Variants in ZC3H8 observed in about 807,000 individuals in gnomAD.
ZC3H8 encodes zinc finger CCCH-type containing 8, also known as zinc finger CCCH domain-containing protein 8.
In ZC3H8, 27 loss-of-function variants were observed where a neutral mutation model predicts 42.5. The ratio of observed to expected loss-of-function variants is 0.64; its 90% CI spans 0.47 to 0.88. The LOEUF is 0.88. Ranked by LOEUF, ZC3H8 falls within the 40% of genes least tolerant of loss-of-function variation. ZC3H8 has a pLI of 0.00. For synonymous variants in ZC3H8, 101 were observed against 110.1 expected (o/e 0.92, Z 0.52); for missense variants, 277 against 336.1 (o/e 0.82, Z 1.37).
chr2:112,245,041 C>T (rs1161992768), intron 2 of ZC3H8, among the ~76,000 whole-genome samples: 2 of 152,224 alleles, frequency 1.3e-5, no homozygotes, highest in African/African-American at 4.8e-5. Context: ...GAAAGCTAGG[C>T]CTCGTAAGCC....
Position 112,212,965 on chromosome 2 carries a change from C to CCTTTTTTTTTTTTTTTTTTTTTTT in ZC3H8, c.*3518_*3519insAAAAAAAAAAAAAAAAAAAAAAAG, listed in dbSNP as rs1684187835. On this transcript the variant is annotated 3_prime_UTR_variant, in exon 9 of 9. Transcript: ENST00000409573. Reference sequence around the variant, plus strand: ...CAGCAAGCACAACTCAGAAGAAATGCTTTTTTTTTTTTTTTTTTTTTTTAT... The same window carrying CCTTTTTTTTTTTTTTTTTTTTTTT: ...CAGCAAGCACAACTCAGAAGAAATGCCTTTTTTTTTTTTTTTTTTTTTTTTTTTTTTTTTTTTTTTTTTTTTTAT... The CCTTTTTTTTTTTTTTTTTTTTTTT allele has an allele frequency of 1.2e-5, 1 of 84,918 alleles. No individual in the cohort carries two copies. The highest frequency in any genetic ancestry group is 2.3e-5 in the Non-Finnish European group (1 of 43,280). The allele number at this position is 84,918 out of a possible 1,614,324, so 5.3% of individuals were successfully genotyped here. A position where few individuals can be genotyped will look rare whatever the true frequency, so the allele number is the denominator to read the frequency against.
chr2:112,252,647 C>G (rs2104672761), intron 1 of ZC3H8, among the ~76,000 whole-genome samples: 1 of 152,258 alleles, frequency 6.6e-6, no homozygotes, highest in Admixed American at 6.5e-5. Flanking sequence ...TTCCAAGTCC[C>G]TCTTACTCCA....
chr2:112,245,959 C>T (rs1436784452), intron 2 of ZC3H8, among the ~76,000 whole-genome samples: 1 of 152,210 alleles, frequency 6.6e-6, no homozygotes, highest in Admixed American at 6.5e-5. Context: ...GATAGGCTAA[C>T]TCTTGTTAGG....
chr2:112,241,543 T>C (rs187377621), intron 2 of ZC3H8, among the ~76,000 whole-genome samples: 70 of 152,356 alleles, frequency 4.6e-4, no homozygotes, highest in African/African-American at 1.7e-3. Context: ...ATTATTTTCA[T>C]CAACCTCCAA....
At chr2:112,248,281 A>G (rs953901453) in intron 2 of ZC3H8, among the ~76,000 whole-genome samples, 1 of 151,856 alleles carries the variant, frequency 6.6e-6, no homozygotes, top group Non-Finnish European at 1.5e-5. Flanking sequence ...AGCCAAGATC[A>G]TGCTACCACA....
intron 8 of ZC3H8, among the ~76,000 whole-genome samples, chr2:112,223,617 T>G (rs1684691564): frequency 6.6e-6 from 1 of 152,014 alleles, no homozygotes; most frequent in South Asian, 2.1e-4. Flanking sequence ...TTAAGAAAAA[T>G]GTATAGGTTT....
chr2:112,215,188 G>C lies in ZC3H8; in HGVS notation c.*1296C>G, dbSNP rs1048225689. The C allele has an allele frequency of 6.6e-6, 1 of 152,114 alleles. No individual in the cohort carries two copies. Among genetic ancestry groups the C allele is most frequent in the Non-Finnish European group, 1.5e-5 (1 of 68,024 alleles). The allele number at this position is 152,114 out of a possible 1,614,324, so 9.4% of individuals were successfully genotyped here. A position where few individuals can be genotyped will look rare whatever the true frequency, so the allele number is the denominator to read the frequency against. On this transcript the variant is annotated 3_prime_UTR_variant, in exon 9 of 9. Transcript: ENST00000409573. Reference sequence around the variant, plus strand: ...AGGCTCATGAAAATTAAAAAATTAAGCATTCCTATTTATTCCCTTTCTATG... The same window carrying C: ...AGGCTCATGAAAATTAAAAAATTAACCATTCCTATTTATTCCCTTTCTATG...
chr2:112,245,311 G>T (rs188429153), intron 2 of ZC3H8, among the ~76,000 whole-genome samples: 3 of 152,364 alleles, frequency 2.0e-5, no homozygotes, highest in Non-Finnish European at 4.4e-5. Context: ...GAAGTTAGCA[G>T]AGGTTGGTTC....
In ZC3H8 at chr2:112,215,447, A is replaced by G. The variant is rs1684284796; in HGVS notation, c.*1037T>C. ...TCTGATAAACCTTTGCTTGGAGTAT[A>G]TGCAATTCCCTTTCTTGCTTTAGCA... On this transcript the variant is annotated 3_prime_UTR_variant, in exon 9 of 9. Coordinates refer to ENST00000409573, the MANE Select transcript of ZC3H8 (RefSeq NM_032494.3). 1 of 152,200 alleles carries G rather than the reference A, an allele frequency of 6.6e-6. No homozygotes were observed. Among genetic ancestry groups the G allele is most frequent in the Non-Finnish European group, 1.5e-5 (1 of 68,038 alleles). 9.4% of individuals were successfully genotyped at this position (152,200 alleles called of 1,614,324 possible). A position where few individuals can be genotyped will look rare whatever the true frequency, so the allele number is the denominator to read the frequency against.
intron 2 of ZC3H8, among the ~76,000 whole-genome samples, chr2:112,243,652 C>T (rs886890849): frequency 2.0e-5 from 3 of 152,138 alleles, no homozygotes; most frequent in African/African-American, 7.2e-5. Context: ...GTCTATCAGT[C>T]AAAGGCTGTG....
At chr2:112,221,658 A>G (rs1310677597) in intron 8 of ZC3H8, among the ~76,000 whole-genome samples, 1 of 152,062 alleles carries the variant, frequency 6.6e-6, no homozygotes, top group Non-Finnish European at 1.5e-5. Flanking sequence ...GATTCTGCTG[A>G]TAAGACTTGA....
chr2:112,222,452 C>G (rs1372951963), intron 8 of ZC3H8, among the ~76,000 whole-genome samples: 1 of 151,764 alleles, frequency 6.6e-6, no homozygotes, highest in Non-Finnish European at 1.5e-5. Flanking sequence ...AGGCTGTGCC[C>G]TAAAAAAAGA....
chr2:112,218,413 A>G (rs150416353), intron 8 of ZC3H8, among the ~76,000 whole-genome samples: 2 of 152,288 alleles, frequency 1.3e-5, no homozygotes, highest in East Asian at 3.9e-4. Context: ...ATTAAGGTAT[A>G]GCATATTTTA....
intron 2 of ZC3H8, among the ~76,000 whole-genome samples, chr2:112,243,365 T>C (rs768855380): frequency 1.3e-5 from 2 of 152,192 alleles, no homozygotes; most frequent in Non-Finnish European, 2.9e-5. Flanking sequence ...CGAACAAAGT[T>C]CCATAAATGT....
In ZC3H8 at chr2:112,238,495, G is replaced by A. The variant is rs762998817; in HGVS notation, c.190C>T (p.Leu64=). 3.1e-6 allele frequency: 5 copies of A among 1,611,608 alleles called. No individual in the cohort carries two copies. In the Admixed American group the frequency reaches 8.4e-5, roughly 27 times the overall value. The change falls in exon 3 of 9, where the codon CTG becomes TTG. Residue 64 remains leucine, a synonymous_variant. Transcript: ENST00000409573. ...TCCTTACTTCTTGATTTTCTATGCAGCGAACTTTTTGGTGATATTGCAGAG... is the reference window on the plus strand; with the variant it reads ...TCCTTACTTCTTGATTTTCTATGCAACGAACTTTTTGGTGATATTGCAGAG... The part of the protein sequence containing the change: ...RHSAISPKSS[L]HRKSRSKDYD...
intron 1 of ZC3H8, among the ~76,000 whole-genome samples, chr2:112,252,940 G>A (rs1010511879): frequency 9.9e-5 from 15 of 152,102 alleles, no homozygotes; most frequent in African/African-American, 3.4e-4. Flanking sequence ...TCAGGAGATC[G>A]AGACCATCCT....
At position 112,250,141 on chromosome 2, in the gene ZC3H8, G is replaced by GA. The variant is rs536361463; in HGVS notation, c.156+49dup. 2,734 of 1,364,348 alleles carry GA rather than the reference G, an allele frequency of 2.0e-3. 6 individuals are homozygous for GA. The highest frequency in any genetic ancestry group is 0.016 in the African/African-American group (1,071 of 67,088). 84.5% of individuals were successfully genotyped at this position (1,364,348 alleles called of 1,614,324 possible). A position where few individuals can be genotyped will look rare whatever the true frequency, so the allele number is the denominator to read the frequency against. On this transcript the variant is annotated intron_variant, in intron 2 of 8. Coordinates refer to ENST00000409573, the MANE Select transcript of ZC3H8 (RefSeq NM_032494.3). Reference sequence around the variant, plus strand: ...TTTTTGTTGTTCCATGTGAAACTGAGAAAAAAAAATCTGCGTTTTCAACTT... The same window carrying GA: ...TTTTTGTTGTTCCATGTGAAACTGAGAAAAAAAAAATCTGCGTTTTCAACTT...
intron 8 of ZC3H8, among the ~76,000 whole-genome samples, chr2:112,218,987 C>T (rs79365419): frequency 0.11 from 16,372 of 152,154 alleles, 1,181 homozygotes; most frequent in Non-Finnish European, 0.15. Context: ...CTCATGTTAA[C>T]GGACTGGAAG....
At chr2:112,227,652 CAG>C (rs368391701) in intron 8 of ZC3H8, among the ~76,000 whole-genome samples, 28 of 152,296 alleles carry the variant, frequency 1.8e-4, no homozygotes, top group Admixed American at 7.8e-4. Flanking sequence ...AGATCAATAA[CAG>C]AAATAAATTC....
Sources: gnomAD v4.1 joint callset for allele counts (sites outside exome capture counted in the v4.1 genomes callset) on GRCh38, gnomAD v4.1.1 for gene constraint, MANE v1.5 for transcripts, NCBI Gene and HGNC (gene_info 2026-07-23, HGNC 2026-07-21) for gene names.